DOCK3: variants seen among roughly 807,000 people sequenced by gnomAD.
DOCK3 encodes dedicator of cytokinesis protein 3.
In DOCK3, 60 loss-of-function variants were observed where a neutral mutation model predicts 265.6. The observed-to-expected ratio is 0.23, with a 90% CI of 0.18 to 0.28. The LOEUF is 0.28. Ranked by LOEUF, DOCK3 falls within the 10% of genes least tolerant of loss-of-function variation. The probability of loss-of-function intolerance (pLI) is 1.00; values close to 1 mark genes in which losing one functional copy is unlikely to be tolerated. For missense variants in DOCK3, 1,981 were observed against 2,594.3 expected, an observed-to-expected ratio of 0.76 and a Z score of 5.14; for synonymous variants, 881 against 938.0, an observed-to-expected ratio of 0.94 and a Z score of 1.11.
chr3:51,199,534 G>A (rs1278718382), intron 12 of DOCK3, among the ~76,000 whole-genome samples: 2 of 152,248 alleles, frequency 1.3e-5, no homozygotes, highest in Admixed American at 6.5e-5. Context: ...AAAGCAGCCA[G>A]GAAGCTCCAA....
At chr3:51,094,921 A>C (rs567216675) in intron 9 of DOCK3, among the ~76,000 whole-genome samples, 1 of 150,256 alleles carries the variant, frequency 6.7e-6, no homozygotes, top group African/African-American at 2.4e-5. Context: ...CCATTATGTA[A>C]TGCCCTTCTT....
intron 1 of DOCK3, chr3:50,685,427 C>T (rs889045106): frequency 6.6e-6 from 1 of 152,628 alleles, no homozygotes; most frequent in African/African-American, 2.4e-5. Flanking sequence ...TCTTGAGTAT[C>T]AGTTGTTTAA....
chr3:51,227,465 CT>C lies in DOCK3; in HGVS notation c.1540+21del, dbSNP rs777993900. The C allele has an allele frequency of 3.7e-6, 6 of 1,613,390 alleles. No individual in the cohort carries two copies. Among genetic ancestry groups the C allele is most frequent in the Middle Eastern group, 3.3e-4 (2 of 6,056 alleles). ...GTTCCAGTGAGTTAGACTTCCCCCC[CT>C]CCACATTCCCTTGAGAATATAAATA... is the stretch of plus-strand genomic sequence containing the variant. On this transcript the variant is annotated intron_variant, in intron 16 of 52. Transcript: ENST00000266037.
chr3:50,808,954 C>T (rs1173010136), intron 2 of DOCK3, among the ~76,000 whole-genome samples: 1 of 152,178 alleles, frequency 6.6e-6, no homozygotes, highest in African/African-American at 2.4e-5. Flanking sequence ...ACTCCAAACT[C>T]AATTCCAAGT....
intron 10 of DOCK3, among the ~76,000 whole-genome samples, chr3:51,147,422 A>G (rs765458718): frequency 3.3e-5 from 5 of 152,136 alleles, no homozygotes; most frequent in Non-Finnish European, 7.4e-5. Flanking sequence ...TACATGTGCC[A>G]TGTTGGTTTG....
chr3:50,796,602 T>C (rs547465582), intron 2 of DOCK3, among the ~76,000 whole-genome samples: 2 of 152,180 alleles, frequency 1.3e-5, no homozygotes, highest in Non-Finnish European at 2.9e-5. Context: ...CCTCCCAAAG[T>C]GTTGGGATTA....
chr3:51,146,736 C>T (rs1210282491), intron 10 of DOCK3, 106 bp downstream of exon 10: 9 of 967,964 alleles, frequency 9.3e-6, no homozygotes, highest in Non-Finnish European at 1.4e-5. Flanking sequence ...TTTCCATATA[C>T]ACTGGGGAGA....
At position 50,819,804 on chromosome 3, in the gene DOCK3, A is replaced by G. The variant is rs541146375; in HGVS notation, c.122-21871A>G. On this transcript the variant is annotated intron_variant, in intron 2 of 52. Transcript: ENST00000266037. The stretch of plus-strand genomic sequence containing the variant: ...TGGCGAAACCCCGTCTCTACTAAAA[A>G]TACAAAACTTAGCCAGGCGTGGTGG... Among the ~76,000 whole-genome samples, 74 of 152,294 alleles carry G rather than the reference A, an allele frequency of 4.9e-4. 2 individuals carry two copies. In the South Asian group the frequency reaches 0.015, roughly 30 times the overall value.
chr3:50,874,542 A>G (rs1359312764), intron 3 of DOCK3, among the ~76,000 whole-genome samples: 1 of 151,538 alleles, frequency 6.6e-6, no homozygotes, highest in African/African-American at 2.4e-5. Flanking sequence ...AAAAAAGTAT[A>G]GGCATTTTAA....
At chr3:51,038,499 G>A (rs2080358652) in intron 5 of DOCK3, among the ~76,000 whole-genome samples, 1 of 152,104 alleles carries the variant, frequency 6.6e-6, no homozygotes, top group African/African-American at 2.4e-5. Flanking sequence ...ATCACACTGT[G>A]ACTTCTTTAT....
intron 27 of DOCK3, among the ~76,000 whole-genome samples, chr3:51,290,741 A>G (rs192374343): frequency 2.6e-5 from 4 of 152,338 alleles, no homozygotes; most frequent in African/African-American, 9.6e-5. Flanking sequence ...GAGCAGGGGT[A>G]GCTATACTAT....
At chr3:51,337,989 C>T (rs1007709584) in intron 35 of DOCK3, among the ~76,000 whole-genome samples, 1 of 152,202 alleles carries the variant, frequency 6.6e-6, no homozygotes. Context: ...AAAATGAAAC[C>T]TGCCCTTTAA....
intron 3 of DOCK3, among the ~76,000 whole-genome samples, chr3:50,844,915 T>C (rs1015714487): frequency 3.9e-5 from 6 of 152,192 alleles, no homozygotes; most frequent in African/African-American, 1.4e-4. Context: ...ATGTATTTGT[T>C]AGAGTCATCA....
chr3:51,270,037 T>A (rs1436832779), intron 23 of DOCK3, among the ~76,000 whole-genome samples: 1 of 152,208 alleles, frequency 6.6e-6, no homozygotes, highest in African/African-American at 2.4e-5. Context: ...GCTGTGGAAC[T>A]GTTCTATTAT....
chr3:51,011,640 T>G (rs2078955789), intron 5 of DOCK3, among the ~76,000 whole-genome samples: 3 of 152,360 alleles, frequency 2.0e-5, no homozygotes, highest in South Asian at 2.1e-4. Flanking sequence ...AGTCATTCTC[T>G]ATCCAGCTTT....
At chr3:50,896,518 T>C (rs2048898889) in intron 4 of DOCK3, among the ~76,000 whole-genome samples, 1 of 152,224 alleles carries the variant, frequency 6.6e-6, no homozygotes. Flanking sequence ...TTTTTGGCTT[T>C]TGTTGCCATT....
At chr3:51,378,970 C>T (rs2088368058) in intron 51 of DOCK3, among the ~76,000 whole-genome samples, 1 of 152,218 alleles carries the variant, frequency 6.6e-6, no homozygotes, top group Non-Finnish European at 1.5e-5. Flanking sequence ...GTGGGTCCAG[C>T]TGGATCTGGG....
intron 4 of DOCK3, among the ~76,000 whole-genome samples, chr3:50,895,773 T>A (rs1407912502): frequency 1.3e-5 from 2 of 152,204 alleles, no homozygotes; most frequent in African/African-American, 4.8e-5. Context: ...GTGTTTGGTC[T>A]TCTGTTCCTG....
intron 5 of DOCK3, among the ~76,000 whole-genome samples, chr3:51,058,506 G>C (rs1408148238): frequency 6.6e-6 from 1 of 152,136 alleles, no homozygotes; most frequent in Non-Finnish European, 1.5e-5. Flanking sequence ...TATTGTATAT[G>C]TGTATTGTGC....
Sources: gnomAD v4.1 joint callset for allele counts (sites outside exome capture counted in the v4.1 genomes callset) on GRCh38, gnomAD v4.1.1 for gene constraint, MANE v1.5 for transcripts, NCBI Gene and HGNC (gene_info 2026-07-23, HGNC 2026-07-21) for gene names.